PCDHGA12: variants seen among roughly 807,000 people sequenced by gnomAD.
The protein encoded by PCDHGA12 is protocadherin gamma-A12.
A neutral mutation model predicts 61.1 loss-of-function variants in PCDHGA12; 43 were observed. That is an observed-to-expected ratio of 0.70 (90% CI 0.55 to 0.91). The LOEUF (loss-of-function observed/expected upper bound fraction) is 0.91. PCDHGA12 is among the 40% of genes least tolerant of loss of function. The pLI is 0.00. For missense variants in PCDHGA12, 1,236 were observed against 1,227.7 expected (o/e 1.01, Z -0.10); for synonymous variants, 520 against 542.9 (o/e 0.96, Z 0.59).
intron 2 of PCDHGA12, among the ~76,000 whole-genome samples, chr5:141,501,536 G>A (rs570102957): frequency 5.9e-5 from 9 of 152,054 alleles, no homozygotes; most frequent in African/African-American, 2.2e-4. Context: ...GTACGTTGTT[G>A]TGCATAAGAT....
chr5:141,446,408 C>A (rs1211716327), intron 1 of PCDHGA12, among the ~76,000 whole-genome samples: 1 of 151,898 alleles, frequency 6.6e-6, no homozygotes, highest in African/African-American at 2.4e-5. Flanking sequence ...GAGTTGAGTT[C>A]CAGCCATGTT....
chr5:141,460,126 T>TC (rs2098982804), intron 1 of PCDHGA12, among the ~76,000 whole-genome samples: 1 of 151,986 alleles, frequency 6.6e-6, no homozygotes, highest in South Asian at 2.1e-4. Context: ...ATATATGTAA[T>TC]ATATATATTC....
At position 141,489,220 on chromosome 5, in the gene PCDHGA12, C is replaced by T; in HGVS notation, c.2425-5587C>T. ...AGACAGGACAGCACAGACTTACTCT[C>T]CACAAAGGGACTTCTGGGTCATGGG... On this transcript the variant is annotated intron_variant, in intron 1 of 3. Transcript: ENST00000252085. This position sits in a 1 kb window ranked among gnomAD's most constrained non-coding sequence, Gnocchi z 4.5. The T allele has an allele frequency of 6.6e-7, 1 of 1,508,698 alleles. No homozygotes were observed. The highest frequency in any genetic ancestry group is 8.9e-7 in the Non-Finnish European group (1 of 1,122,110). The allele number at this position is 1,508,698 out of a possible 1,614,324, so 93.5% of individuals were successfully genotyped here.
In PCDHGA12 at chr5:141,435,388, G is replaced by T. The variant is rs186494703; in HGVS notation, c.2424+2205G>T. Among the ~76,000 whole-genome samples, 241 of 152,094 alleles carry T rather than the reference G, an allele frequency of 1.6e-3. 5 individuals carry two copies. Among genetic ancestry groups the T allele is most frequent in the Non-Finnish European group, 2.1e-4 (14 of 67,992 alleles). The stretch of plus-strand genomic sequence containing the variant: ...ACTTAAATATACAATATACCGTATT[G>T]CCATGACGAAAAATGGTAAAGACTA... On this transcript the variant is annotated intron_variant, in intron 1 of 3. Transcript: ENST00000252085.
intron 1 of PCDHGA12, among the ~76,000 whole-genome samples, chr5:141,482,755 T>TGAAGTGGGAGAATTGCTTGAGCCTGGG (rs1554165462): frequency 6.3e-5 from 9 of 143,570 alleles, no homozygotes; most frequent in African/African-American, 1.4e-4. Context: ...GGGATTATGG[T>TGAAGTGGGAGAATTGCTTGAGCCTGGG]ATTTCATTAT....
chr5:141,455,928 C>T (rs1160778812), intron 1 of PCDHGA12, among the ~76,000 whole-genome samples: 3 of 151,158 alleles, frequency 2.0e-5, no homozygotes, highest in African/African-American at 4.9e-5. Context: ...GACGGAGTCT[C>T]GCTCTGTCGC....
intron 1 of PCDHGA12, among the ~76,000 whole-genome samples, chr5:141,434,448 G>A (rs2097694852): frequency 6.6e-6 from 1 of 152,210 alleles, no homozygotes; most frequent in Non-Finnish European, 1.5e-5. Context: ...CATGCTGGAA[G>A]GTAGTGGGTT....
rs1407225048 is a variant in PCDHGA12 at position 141,489,600 on chromosome 5, G to T, written c.2425-5207G>T. On this transcript the variant is annotated intron_variant, in intron 1 of 3. Coordinates refer to ENST00000252085, the MANE Select transcript of PCDHGA12 (RefSeq NM_003735.3). The surrounding 1 kb of genome is among the most constrained non-coding windows in gnomAD (Gnocchi z 4.5). ...ACCCCCTGGAGCTAATCCGTGTAGA[G>T]GTAGAGATCCTGGATCTCAATGACA... The T allele has an allele frequency of 7.4e-6, 12 of 1,613,916 alleles. 1 individual carries two copies. In the South Asian group the frequency reaches 1.2e-4, roughly 16 times the overall value.
intron 1 of PCDHGA12, among the ~76,000 whole-genome samples, chr5:141,482,354 G>C (rs1461472845): frequency 6.6e-6 from 1 of 152,096 alleles, no homozygotes; most frequent in Non-Finnish European, 1.5e-5. Context: ...CTTGTTGTGA[G>C]AGTGAAAAGT....
intron 1 of PCDHGA12, among the ~76,000 whole-genome samples, chr5:141,481,171 C>G (rs927813327): frequency 6.6e-6 from 1 of 152,120 alleles, no homozygotes; most frequent in African/African-American, 2.4e-5. Flanking sequence ...AACCAGAATC[C>G]AGCTTTATTG....
At position 141,511,005 on chromosome 5, in the gene PCDHGA12, C is replaced by T; in HGVS notation, c.2631C>T (p.Ala877=). ...GGGAGTMGLS[A]RYGPQFTLQH... The stretch of plus-strand genomic sequence containing the variant: ...GTGCCGGCACCATGGGATTGAGCGC[C>T]CGCTACGGACCCCAGTTCACCCTGC... Residue 877 remains alanine, a synonymous_variant, in exon 4 of 4, where the codon GCC becomes GCT. Coordinates refer to ENST00000252085, the MANE Select transcript of PCDHGA12 (RefSeq NM_003735.3). The T allele has an allele frequency of 6.2e-7, 1 of 1,614,176 alleles. No individual in the cohort carries two copies.
rs2154586748 is a variant in PCDHGA12 at position 141,491,733 on chromosome 5, T to A, written c.2425-3074T>A. The A allele has an allele frequency of 6.2e-7, 1 of 1,602,698 alleles. No individual in the cohort carries two copies. Among genetic ancestry groups the A allele is most frequent in the Non-Finnish European group, 8.5e-7 (1 of 1,175,258 alleles). On this transcript the variant is annotated intron_variant, in intron 1 of 3. Transcript: ENST00000252085. The surrounding 1 kb of genome is among the most constrained non-coding windows in gnomAD (Gnocchi z 6.9). ...GCTCGGCGCCGCCCCGGGCGACCCC[T>A]GGGGGCGGCACTGGAGAAGCCGCCC...
At chr5:141,449,266 G>T (rs1398403120) in intron 1 of PCDHGA12, among the ~76,000 whole-genome samples, 1 of 152,042 alleles carries the variant, frequency 6.6e-6, no homozygotes, top group Non-Finnish European at 1.5e-5. Context: ...ACAAAGAACT[G>T]TATCTCCTTC....
intron 1 of PCDHGA12, among the ~76,000 whole-genome samples, chr5:141,470,504 G>A (rs914828244): frequency 6.6e-6 from 1 of 152,114 alleles, no homozygotes; most frequent in Admixed American, 6.6e-5. Flanking sequence ...TAGGTAATTA[G>A]ACAGTTAGCT....
chr5:141,477,630 T>G lies in PCDHGA12; in HGVS notation c.2425-17177T>G. The G allele has an allele frequency of 6.2e-7, 1 of 1,614,228 alleles. No homozygotes were observed. The highest frequency in any genetic ancestry group is 8.5e-7 in the Non-Finnish European group (1 of 1,180,042). ...TTGGAGCAAGGAGCTGAAACCGGGC[T>G]AGTGGGTCGCTATTTCACAATAAAT... On this transcript the variant is annotated intron_variant, in intron 1 of 3. Coordinates refer to ENST00000252085, the MANE Select transcript of PCDHGA12 (RefSeq NM_003735.3). The surrounding 1 kb of genome is among the most constrained non-coding windows in gnomAD (Gnocchi z 4.9).
intron 1 of PCDHGA12, among the ~76,000 whole-genome samples, chr5:141,472,718 G>A (rs980710833): frequency 1.3e-5 from 2 of 152,002 alleles, no homozygotes; most frequent in Non-Finnish European, 2.9e-5. Context: ...AGGCGCTGTG[G>A]CTCACACCTG....
At chr5:141,458,485 A>G (rs2098946793) in intron 1 of PCDHGA12, among the ~76,000 whole-genome samples, 1 of 151,558 alleles carries the variant, frequency 6.6e-6, no homozygotes, top group Non-Finnish European at 1.5e-5. Context: ...GAAAATGAGG[A>G]CTGCCTGTAC....
chr5:141,490,402 G>A lies in PCDHGA12; in HGVS notation c.2425-4405G>A. On this transcript the variant is annotated intron_variant, in intron 1 of 3. Coordinates refer to ENST00000252085, the MANE Select transcript of PCDHGA12 (RefSeq NM_003735.3). This position sits in a 1 kb window ranked among gnomAD's most constrained non-coding sequence, Gnocchi z 5.4. The stretch of plus-strand genomic sequence containing the variant: ...AGGTAGAAATGGTGAAGTGAGCCTT[G>A]ATATCTCTCCGGACCTGCCATTTCA... 6.2e-7 allele frequency: 1 copy of A among 1,614,182 alleles called. No homozygotes were observed. The highest frequency in any genetic ancestry group is 8.5e-7 in the Non-Finnish European group (1 of 1,180,024).
intron 1 of PCDHGA12, among the ~76,000 whole-genome samples, chr5:141,467,087 C>T (rs1159093881): frequency 3.4e-5 from 5 of 147,240 alleles, no homozygotes; most frequent in African/African-American, 1.3e-4. Context: ...AAGTCTCACT[C>T]TGTCACACAG....
Sources: gnomAD v4.1 joint callset for allele counts (sites outside exome capture counted in the v4.1 genomes callset) on GRCh38, gnomAD v4.1.1 for gene constraint, Gnocchi (gnomAD v3.1) non-coding constraint, MANE v1.5 for transcripts, NCBI Gene and HGNC (gene_info 2026-07-23, HGNC 2026-07-21) for gene names.